PRICKLE1: variants seen among roughly 807,000 people sequenced by gnomAD.
PRICKLE1 encodes prickle-like protein 1.
In PRICKLE1, 14 loss-of-function variants were observed where a neutral mutation model predicts 70.2. The observed-to-expected ratio is 0.20, with a 90% CI of 0.13 to 0.31. The LOEUF (loss-of-function observed/expected upper bound fraction) is 0.31, where lower values mean the gene tolerates loss of function less well. Ranked by LOEUF, PRICKLE1 falls within the 10% of genes least tolerant of loss-of-function variation. PRICKLE1 has a pLI of 1.00. For synonymous variants in PRICKLE1, 357 were observed against 379.9 expected, an observed-to-expected ratio of 0.94 and a Z score of 0.70; for missense variants, 821 against 1,026.2, an observed-to-expected ratio of 0.80 and a Z score of 2.73.
chr12:42,556,129 C>T (rs978601586), intron 1 of PRICKLE1, among the ~76,000 whole-genome samples: 1 of 152,140 alleles, frequency 6.6e-6, no homozygotes, highest in Non-Finnish European at 1.5e-5. Flanking sequence ...ACTAGGTTGC[C>T]TTAAGCAATT....
intron 1 of PRICKLE1, among the ~76,000 whole-genome samples, chr12:42,546,344 TAAAC>T (rs1940212466): frequency 6.6e-6 from 1 of 152,168 alleles, no homozygotes; most frequent in South Asian, 2.1e-4. Context: ...ATAGTGGACA[TAAAC>T]AAAAATTAAG....
At chr12:42,527,964 T>C (rs75022580) in intron 1 of PRICKLE1, among the ~76,000 whole-genome samples, 410 of 7,158 alleles carry the variant, frequency 0.057, 23 homozygotes, top group African/African-American at 0.13. Flanking sequence ...TATATATATA[T>C]ATATATATCT....
chr12:42,463,408 G>C (rs1937937161), intron 7 of PRICKLE1, among the ~76,000 whole-genome samples: 1 of 151,556 alleles, frequency 6.6e-6, no homozygotes, highest in Non-Finnish European at 1.5e-5. Flanking sequence ...GGAAATTCAG[G>C]AAGATGTTTA....
intron 1 of PRICKLE1, among the ~76,000 whole-genome samples, chr12:42,506,733 C>T (rs549097311): frequency 9.0e-4 from 136 of 151,824 alleles, no homozygotes; most frequent in African/African-American, 2.9e-3. Flanking sequence ...CCACCATGCC[C>T]GGCTAATTTT....
At chr12:42,579,332 CT>C (rs899776170) in intron 1 of PRICKLE1, among the ~76,000 whole-genome samples, 2 of 151,938 alleles carry the variant, frequency 1.3e-5, no homozygotes, top group Non-Finnish European at 2.9e-5. Flanking sequence ...TTTCACATGT[CT>C]TTTTTTTAAC....
rs1393468559 is a variant in PRICKLE1 at position 42,496,680 on chromosome 12, A to AG, written c.-48-24117_-48-24116insC. ...TGCAGCTTCTCCATCACCACTCGCT[A>AG]CTTCACCTTGCACTTTCATGTTAGA... On this transcript the variant is annotated intron_variant, in intron 1 of 7. Coordinates refer to ENST00000345127, the MANE Select transcript of PRICKLE1 (RefSeq NM_153026.3). Among the ~76,000 whole-genome samples, 121 of 152,308 alleles carry AG rather than the reference A, an allele frequency of 7.9e-4. 1 individual carries two copies. Among genetic ancestry groups the AG allele is most frequent in the African/African-American group, 2.8e-3 (118 of 41,542 alleles).
At chr12:42,466,051 C>T (rs1239751869) in intron 6 of PRICKLE1, 143 bp downstream of exon 6, 16 of 890,494 alleles carry the variant, frequency 1.8e-5, no homozygotes, top group Non-Finnish European at 2.3e-5. Context: ...AGCTCATCAG[C>T]TGGAACATTT....
chr12:42,506,420 C>A (rs1253074774), intron 1 of PRICKLE1, among the ~76,000 whole-genome samples: 1 of 151,398 alleles, frequency 6.6e-6, no homozygotes, highest in East Asian at 1.9e-4. Flanking sequence ...CCACTCCCAG[C>A]TAATTTTTGC....
intron 1 of PRICKLE1, among the ~76,000 whole-genome samples, chr12:42,507,382 A>C (rs866649553): frequency 2.6e-5 from 4 of 152,246 alleles, no homozygotes; most frequent in South Asian, 2.1e-4. Context: ...AAAGATGGAA[A>C]GGGTTTTGAA....
chr12:42,571,754 C>T (rs1174979192), intron 1 of PRICKLE1, among the ~76,000 whole-genome samples: 4 of 152,204 alleles, frequency 2.6e-5, no homozygotes, highest in African/African-American at 9.7e-5. Context: ...AGCTCATTTG[C>T]TATAGAGGCC....
chr12:42,509,372 G>A (rs1939472978), intron 1 of PRICKLE1, among the ~76,000 whole-genome samples: 1 of 152,144 alleles, frequency 6.6e-6, no homozygotes, highest in African/African-American at 2.4e-5. Flanking sequence ...AAGAACTATT[G>A]AAAAAGGAAA....
At chr12:42,532,210 A>T (rs1325647008) in intron 1 of PRICKLE1, among the ~76,000 whole-genome samples, 1 of 152,224 alleles carries the variant, frequency 6.6e-6, no homozygotes, top group Non-Finnish European at 1.5e-5. Flanking sequence ...TTTCCTAGCA[A>T]TTCTACTTCT....
At chr12:42,461,245 T>C (rs928302959) in intron 7 of PRICKLE1, among the ~76,000 whole-genome samples, 2 of 152,234 alleles carry the variant, frequency 1.3e-5, no homozygotes, top group African/African-American at 4.8e-5. Context: ...GCACATGGCA[T>C]GAGCAGCAAA....
At position 42,464,645 on chromosome 12, in the gene PRICKLE1, T is replaced by G; in HGVS notation, c.1389A>C (p.Ala463=). The part of the protein sequence containing the change: ...TELKQNNQSL[A]SKKYQSDMYW... ...ACATATCAGACTGGTATTTTTTACT[T>G]GCAAGGCTCTGGTTATTTTGCTTTA... Residue 463 remains alanine, a synonymous_variant, in exon 7 of 8, where the codon GCA becomes GCC. Transcript: ENST00000345127. The surrounding 1 kb of genome is among the most constrained non-coding windows in gnomAD (Gnocchi z 4.2). The G allele has an allele frequency of 6.2e-7, 1 of 1,614,070 alleles. No homozygotes were observed. The highest frequency in any genetic ancestry group is 1.1e-5 in the South Asian group (1 of 91,072).
intron 1 of PRICKLE1, among the ~76,000 whole-genome samples, chr12:42,539,856 G>A (rs1358542047): frequency 2.6e-5 from 4 of 152,150 alleles, no homozygotes; most frequent in Non-Finnish European, 5.9e-5. Context: ...AGTATGCTAG[G>A]GTTCTGGTTT....
At chr12:42,468,546 T>C in intron 5 of PRICKLE1, 80 bp downstream of exon 5, 1 of 1,282,382 alleles carries the variant, frequency 7.8e-7, no homozygotes, top group African/African-American at 1.5e-5. Flanking sequence ...AATTTTAGTA[T>C]TTTGCTTGAT....
rs201116185 is a variant in PRICKLE1, at chr12:42,559,624, A to ATTT, written c.-49+29838_-49+29840dup. ...TGTGTGTGTATATATATATATATAT[A>ATTT]TTTTTTTTTTTTGGGGGGGGTAGAG... On this transcript the variant is annotated intron_variant, in intron 1 of 7. Coordinates refer to ENST00000345127, the MANE Select transcript of PRICKLE1 (RefSeq NM_153026.3). 1.7e-3 allele frequency among the ~76,000 whole-genome samples: 141 copies of ATTT among 81,562 alleles called. 1 individual carries two copies. The highest frequency in any genetic ancestry group is 2.1e-3 in the Non-Finnish European group (99 of 46,174). The allele number at this position is 81,562 out of a possible 152,430, so 53.5% of individuals were successfully genotyped here. A position where few individuals can be genotyped will look rare whatever the true frequency, so the allele number is the denominator to read the frequency against.
chr12:42,469,896 C>G (rs897526454), intron 3 of PRICKLE1: 4 of 497,850 alleles, frequency 8.0e-6, no homozygotes. Flanking sequence ...TTAATTGCCA[C>G]TTTTACTCTC....
intron 1 of PRICKLE1, among the ~76,000 whole-genome samples, chr12:42,520,944 G>A (rs563344627): frequency 1.3e-5 from 2 of 152,274 alleles, no homozygotes; most frequent in South Asian, 4.1e-4. Context: ...GCTGAGGCGG[G>A]CAGATCACTT....
Sources: gnomAD v4.1 joint callset for allele counts (sites outside exome capture counted in the v4.1 genomes callset) on GRCh38, gnomAD v4.1.1 for gene constraint, Gnocchi (gnomAD v3.1) non-coding constraint, MANE v1.5 for transcripts, NCBI Gene and HGNC (gene_info 2026-07-23, HGNC 2026-07-21) for gene names.